Variants in PDE4D observed in about 807,000 individuals in gnomAD.
PDE4D encodes 3',5'-cyclic-AMP phosphodiesterase 4D.
A neutral mutation model predicts 87.4 loss-of-function variants in PDE4D; 24 were observed. The ratio of observed to expected loss-of-function variants is 0.27; its 90% confidence interval spans 0.20 to 0.39. PDE4D has a LOEUF of 0.39. Ranked by LOEUF, PDE4D falls within the 10% of genes least tolerant of loss-of-function variation. PDE4D has a pLI of 1.00. For synonymous variants in PDE4D, 384 were observed against 383.2 expected, an observed-to-expected ratio of 1.00 and a Z score of -0.02; for missense variants, 714 against 1,041.0, an observed-to-expected ratio of 0.69 and a Z score of 4.32.
At chr5:59,527,584 A>G (rs940574245) in intron 1 of PDE4D, among the ~76,000 whole-genome samples, 1 of 152,202 alleles carries the variant, frequency 6.6e-6, no homozygotes, top group Non-Finnish European at 1.5e-5. Flanking sequence ...CAAAAATTTT[A>G]TATATTATAA....
chr5:59,664,233 T>TTC (rs2150299893), intron 1 of PDE4D, among the ~76,000 whole-genome samples: 1 of 152,282 alleles, frequency 6.6e-6, no homozygotes, highest in African/African-American at 2.4e-5. Context: ...ATAAGCTCTG[T>TTC]TTATTGACGT....
chr5:59,548,783 G>GT (rs1481242691), intron 1 of PDE4D, among the ~76,000 whole-genome samples: 3 of 152,134 alleles, frequency 2.0e-5, no homozygotes, highest in African/African-American at 7.2e-5. Context: ...ACAGAGAATA[G>GT]TAAGTCTCAG....
At chr5:59,458,527 T>C (rs1800262881) in intron 1 of PDE4D, among the ~76,000 whole-genome samples, 1 of 152,166 alleles carries the variant, frequency 6.6e-6, no homozygotes, top group South Asian at 2.1e-4. Context: ...GCTTTGTTTG[T>C]TCTCTCAGGC....
intron 1 of PDE4D, among the ~76,000 whole-genome samples, chr5:59,402,899 C>T (rs1267669858): frequency 6.6e-6 from 1 of 152,038 alleles, no homozygotes; most frequent in African/African-American, 2.4e-5. Flanking sequence ...AGTTATATAA[C>T]AATTATTGGC....
chr5:59,368,118 G>A (rs1253125851), intron 1 of PDE4D, among the ~76,000 whole-genome samples: 1 of 152,206 alleles, frequency 6.6e-6, no homozygotes, highest in Non-Finnish European at 1.5e-5. Context: ...GTATGGGTAT[G>A]AGTAACACAC....
chr5:59,537,507 CTT>C (rs1175774859), intron 1 of PDE4D, among the ~76,000 whole-genome samples: 3 of 152,188 alleles, frequency 2.0e-5, no homozygotes, highest in Admixed American at 6.5e-5. Context: ...TCCTTGCTCT[CTT>C]TATTCTCAAG....
At chr5:59,414,771 T>C (rs1160710528) in intron 1 of PDE4D, among the ~76,000 whole-genome samples, 1 of 152,082 alleles carries the variant, frequency 6.6e-6, no homozygotes, top group Non-Finnish European at 1.5e-5. Context: ...GTGTAGGGCT[T>C]AGAGCCCATG....
intron 1 of PDE4D, among the ~76,000 whole-genome samples, chr5:59,437,720 T>C (rs768863465): frequency 6.6e-6 from 1 of 151,864 alleles, no homozygotes; most frequent in Non-Finnish European, 1.5e-5. Flanking sequence ...AAAAAAAGCA[T>C]ACAATTCATT....
intron 1 of PDE4D, among the ~76,000 whole-genome samples, chr5:60,468,770 C>CCTA (rs935835700): frequency 6.6e-6 from 1 of 152,074 alleles, no homozygotes; most frequent in African/African-American, 2.4e-5. Flanking sequence ...AAGCAATCCT[C>CCTA]CTACTTCAGC....
At chr5:59,790,314 G>A (rs1765644888) in intron 1 of PDE4D, among the ~76,000 whole-genome samples, 1 of 152,148 alleles carries the variant, frequency 6.6e-6, no homozygotes, top group African/African-American at 2.4e-5. Flanking sequence ...TATTAAAGTA[G>A]CCCAGAATCA....
chr5:59,331,718 G>A (rs1337700621), intron 1 of PDE4D, among the ~76,000 whole-genome samples: 1 of 152,188 alleles, frequency 6.6e-6, no homozygotes, highest in Non-Finnish European at 1.5e-5. Context: ...TCCAAGGCCT[G>A]TTGCCCCATG....
chr5:59,049,434 T>G (rs1281091410), intron 5 of PDE4D, among the ~76,000 whole-genome samples: 1 of 152,050 alleles, frequency 6.6e-6, no homozygotes, highest in Non-Finnish European at 1.5e-5. Context: ...TTTAAAAGAG[T>G]ATTAGGAACT....
At chr5:59,358,858 T>C (rs9292205) in intron 1 of PDE4D, among the ~76,000 whole-genome samples, 7,774 of 152,238 alleles carry the variant, frequency 0.051, 296 homozygotes, top group South Asian at 0.16. Flanking sequence ...GTTTAAATTT[T>C]TGTAGGTGAA....
chr5:60,102,451 G>C (rs556077460), intron 2 of PDE4D, among the ~76,000 whole-genome samples: 2 of 152,026 alleles, frequency 1.3e-5, no homozygotes, highest in Non-Finnish European at 1.5e-5. Flanking sequence ...GTAGGGGAGA[G>C]AATTCAGGTA....
intron 1 of PDE4D, chr5:59,586,609 G>A (rs922458255): frequency 7.9e-7 from 1 of 1,271,132 alleles, no homozygotes; most frequent in South Asian, 2.5e-5. Context: ...TGCAGGTATG[G>A]GTCCATCCAT....
At chr5:60,152,331 T>C (rs1159727588) in intron 2 of PDE4D, among the ~76,000 whole-genome samples, 1 of 152,162 alleles carries the variant, frequency 6.6e-6, no homozygotes, top group Non-Finnish European at 1.5e-5. Context: ...GGATTGGTGT[T>C]AATTCTTCTT....
At chr5:59,582,402 C>T (rs1317928384) in intron 1 of PDE4D, among the ~76,000 whole-genome samples, 1 of 152,006 alleles carries the variant, frequency 6.6e-6, no homozygotes, top group Non-Finnish European at 1.5e-5. Flanking sequence ...GAGGAGAAAA[C>T]CTTAAAAGAT....
intron 3 of PDE4D, among the ~76,000 whole-genome samples, chr5:59,965,576 C>T (rs1031719365): frequency 6.6e-6 from 1 of 152,146 alleles, no homozygotes; most frequent in East Asian, 1.9e-4. Context: ...AGAGAGGGCG[C>T]ACAATCACTC....
chr5:59,548,278 A>C (rs1363828049), intron 1 of PDE4D, among the ~76,000 whole-genome samples: 1 of 152,204 alleles, frequency 6.6e-6, no homozygotes, highest in East Asian at 1.9e-4. Context: ...ATATAAAAGA[A>C]ATCTTGATAT....
Sources: allele counts gnomAD v4.1 joint callset (sites outside exome capture counted in the v4.1 genomes callset), GRCh38; gene constraint gnomAD v4.1.1; transcripts MANE v1.5; gene names NCBI Gene and HGNC (gene_info 2026-07-23, HGNC 2026-07-21).